The following KCNC2 variants were observed in gnomAD, a reference collection of about 807,000 sequenced individuals.
The protein encoded by KCNC2 is potassium voltage-gated channel subfamily C member 2, also known as voltage-gated potassium channel KCNC2.
KCNC2 carries 21 observed loss-of-function variants against 44.5 expected under a neutral mutation model. The ratio of observed to expected loss-of-function variants is 0.47; its 90% CI spans 0.33 to 0.68. The LOEUF (loss-of-function observed/expected upper bound fraction) is 0.68. KCNC2 is among the 30% of genes least tolerant of loss of function. The probability of loss-of-function intolerance (pLI) is 0.01; values close to 1 mark genes in which losing one functional copy is unlikely to be tolerated. For synonymous variants in KCNC2, 391 were observed against 339.1 expected, an observed-to-expected ratio of 1.15 and a Z score of -1.68; for missense variants, 589 against 826.2, an observed-to-expected ratio of 0.71 and a Z score of 3.52.
Position 75,043,000 on chromosome 12 carries a change from A to G in KCNC2, c.*105T>C. 2 of 1,530,946 alleles carry G rather than the reference A, an allele frequency of 1.3e-6. No homozygotes were observed. Among genetic ancestry groups the G allele is most frequent in the African/African-American group, 2.8e-5 (2 of 72,520 alleles). 94.8% of individuals were successfully genotyped at this position (1,530,946 alleles called of 1,614,324 possible). ...TAGTATCATGCAAGATTTATACTGTATTAATGGAGCCTGGAGTAACTCTAC... is the reference window on the plus strand; with the variant it reads ...TAGTATCATGCAAGATTTATACTGTGTTAATGGAGCCTGGAGTAACTCTAC... On this transcript the variant is annotated 3_prime_UTR_variant, in exon 5 of 5. Coordinates refer to ENST00000549446, the MANE Select transcript of KCNC2 (RefSeq NM_139137.4).
At chr12:75,132,296 G>A (rs1008888998) in intron 2 of KCNC2, among the ~76,000 whole-genome samples, 1 of 152,086 alleles carries the variant, frequency 6.6e-6, no homozygotes, top group African/African-American at 2.4e-5. Flanking sequence ...ATATCTAGCT[G>A]GATGTATATT....
intron 2 of KCNC2, among the ~76,000 whole-genome samples, chr12:75,176,834 CA>C (rs1337907897): frequency 3.3e-5 from 5 of 151,546 alleles, no homozygotes; most frequent in East Asian, 1.9e-4. Context: ...ATTTGACCAA[CA>C]AAAAAACCTC....
intron 2 of KCNC2, among the ~76,000 whole-genome samples, chr12:75,149,999 A>T (rs1013200005): frequency 2.6e-5 from 4 of 151,644 alleles, no homozygotes; most frequent in African/African-American, 9.7e-5. Flanking sequence ...AGTGTCCAGA[A>T]CTCTTTGGTA....
chr12:75,095,160 G>A (rs997529340), intron 2 of KCNC2, among the ~76,000 whole-genome samples: 2 of 151,736 alleles, frequency 1.3e-5, no homozygotes, highest in Admixed American at 1.3e-4. Context: ...ATGGAGAATG[G>A]TTTACAGCTG....
At chr12:75,054,498 C>T (rs940764233) in intron 2 of KCNC2, among the ~76,000 whole-genome samples, 2 of 152,216 alleles carry the variant, frequency 1.3e-5, no homozygotes, top group South Asian at 2.1e-4. Flanking sequence ...AGTAGCAGAA[C>T]TTGAGAATAA....
At chr12:75,126,233 A>G (rs1408948291) in intron 2 of KCNC2, among the ~76,000 whole-genome samples, 1 of 152,214 alleles carries the variant, frequency 6.6e-6, no homozygotes, top group Non-Finnish European at 1.5e-5. Flanking sequence ...GGTAAAACTA[A>G]TAGTCAGTTA....
chr12:75,041,436 G>C lies in KCNC2; in HGVS notation c.*1669C>G. On this transcript the variant is annotated 3_prime_UTR_variant, in exon 5 of 5. Coordinates refer to ENST00000549446, the MANE Select transcript of KCNC2 (RefSeq NM_139137.4). The stretch of plus-strand genomic sequence containing the variant: ...ATGTTTCGTGGCCAATAATAAAAGT[G>C]ACAATTGTCTTCCTAACAAAAAATA... 5 of 1,284,402 alleles carry C rather than the reference G, an allele frequency of 3.9e-6. No individual in the cohort carries two copies. Among genetic ancestry groups the C allele is most frequent in the Non-Finnish European group, 4.0e-6 (4 of 1,009,536 alleles). 79.6% of individuals were successfully genotyped at this position (1,284,402 alleles called of 1,614,324 possible).
chr12:75,161,775 A>T (rs769763012), intron 2 of KCNC2, among the ~76,000 whole-genome samples: 56 of 151,734 alleles, frequency 3.7e-4, no homozygotes, highest in Non-Finnish European at 7.1e-4. Context: ...ATTTACTCTC[A>T]ATTTTCTCAC....
chr12:75,201,280 A>C (rs1467403321), intron 2 of KCNC2, among the ~76,000 whole-genome samples: 2,374 of 123,774 alleles, frequency 0.019, 75 homozygotes, highest in Non-Finnish European at 0.026. Flanking sequence ...AAAAAAAAAA[A>C]AAAAAAAAAA....
chr12:75,042,497 C>A lies in KCNC2; in HGVS notation c.*608G>T. The A allele has an allele frequency of 7.0e-7, 1 of 1,437,882 alleles. No individual in the cohort carries two copies. Among genetic ancestry groups the A allele is most frequent in the Non-Finnish European group, 9.1e-7 (1 of 1,095,736 alleles). The allele number at this position is 1,437,882 out of a possible 1,614,324, so 89.1% of individuals were successfully genotyped here. On this transcript the variant is annotated 3_prime_UTR_variant, in exon 5 of 5. Transcript: ENST00000549446. Reference sequence around the variant, plus strand: ...CTTTCAAATAATAAGAAAAAAATGTCAAGGAGAAAAGTGCCCTCCCTGCCC... The same window carrying A: ...CTTTCAAATAATAAGAAAAAAATGTAAAGGAGAAAAGTGCCCTCCCTGCCC...
intron 2 of KCNC2, among the ~76,000 whole-genome samples, chr12:75,059,306 C>G (rs560161982): frequency 6.6e-6 from 1 of 152,164 alleles, no homozygotes; most frequent in African/African-American, 2.4e-5. Flanking sequence ...GCCATGAGGC[C>G]TTTTCTGGGG....
At chr12:75,052,871 G>A (rs1370270073) in intron 2 of KCNC2, among the ~76,000 whole-genome samples, 1 of 152,122 alleles carries the variant, frequency 6.6e-6, no homozygotes, top group African/African-American at 2.4e-5. Flanking sequence ...TACATCAGCT[G>A]TATAGTATTC....
intron 2 of KCNC2, among the ~76,000 whole-genome samples, chr12:75,095,917 C>A (rs1329447329): frequency 2.0e-5 from 3 of 151,742 alleles, no homozygotes; most frequent in Non-Finnish European, 4.4e-5. Context: ...TACTTTATAT[C>A]AAATTTTATC....
At chr12:75,188,532 T>G (rs915869190) in intron 2 of KCNC2, among the ~76,000 whole-genome samples, 1 of 152,108 alleles carries the variant, frequency 6.6e-6, no homozygotes, top group Non-Finnish European at 1.5e-5. Context: ...AAAGTTAATC[T>G]GGTATCATAC....
intron 2 of KCNC2, among the ~76,000 whole-genome samples, chr12:75,145,364 T>A (rs1889946693): frequency 6.6e-6 from 1 of 152,246 alleles, no homozygotes; most frequent in South Asian, 2.1e-4. Context: ...ACTCTATGAA[T>A]AAATAAATAA....
intron 2 of KCNC2, among the ~76,000 whole-genome samples, chr12:75,057,011 C>T (rs967755736): frequency 2.0e-5 from 3 of 151,806 alleles, no homozygotes; most frequent in Non-Finnish European, 4.4e-5. Flanking sequence ...ATGAGAAATC[C>T]TAATTCATTC....
At chr12:75,119,066 A>C (rs1166707370) in intron 2 of KCNC2, among the ~76,000 whole-genome samples, 1 of 152,230 alleles carries the variant, frequency 6.6e-6, no homozygotes, top group Non-Finnish European at 1.5e-5. Flanking sequence ...ATTACAAAGA[A>C]TAAAACAACG....
At chr12:75,182,182 C>T (rs930257448) in intron 2 of KCNC2, among the ~76,000 whole-genome samples, 4 of 151,656 alleles carry the variant, frequency 2.6e-5, no homozygotes, top group Admixed American at 1.3e-4. Flanking sequence ...TGCATGAATG[C>T]TTCAACAAGG....
At chr12:75,192,484 C>G (rs2030379454) in intron 2 of KCNC2, among the ~76,000 whole-genome samples, 1 of 152,124 alleles carries the variant, frequency 6.6e-6, no homozygotes, top group African/African-American at 2.4e-5. Context: ...ATTTGTTAAG[C>G]CATCAAAGTG....
Sources: gnomAD v4.1 joint callset for allele counts (sites outside exome capture counted in the v4.1 genomes callset) on GRCh38, gnomAD v4.1.1 for gene constraint, MANE v1.5 for transcripts, NCBI Gene and HGNC (gene_info 2026-07-23, HGNC 2026-07-21) for gene names.